Variants in ZNF679 observed in about 807,000 individuals in gnomAD.
The protein encoded by ZNF679 is hypothetical protein MGC42415.
Under a neutral mutation model 13.4 loss-of-function variants are expected in ZNF679, and 10 were observed. The ratio of observed to expected loss-of-function variants is 0.75; its 90% CI spans 0.46 to 1.27. The LOEUF (loss-of-function observed/expected upper bound fraction) is 1.27, where lower values mean the gene tolerates loss of function less well. ZNF679 is among the 50% of genes most tolerant of loss of function. ZNF679 has a pLI of 0.00. For synonymous variants in ZNF679, 179 were observed against 162.5 expected (o/e 1.10, Z -0.77); for missense variants, 525 against 477.8 (o/e 1.10, Z -0.92).
intron 1 of ZNF679, among the ~76,000 whole-genome samples, chr7:64,239,041 G>C (rs1012308152): frequency 6.6e-6 from 1 of 152,144 alleles, no homozygotes; most frequent in Non-Finnish European, 1.5e-5. Context: ...GTGGTACAGA[G>C]AGTCTCATAA....
At chr7:64,250,809 G>C (rs1037257635) in intron 2 of ZNF679, among the ~76,000 whole-genome samples, 5 of 151,904 alleles carry the variant, frequency 3.3e-5, no homozygotes, top group Admixed American at 3.3e-4. Context: ...GGCTGGTCTC[G>C]AATGCCTGAC....
In ZNF679 at chr7:64,250,056, G is replaced by A. The variant is rs143516593; in HGVS notation, c.39+900G>A. On this transcript the variant is annotated intron_variant, in intron 2 of 4. Transcript: ENST00000421025. Reference sequence around the variant, plus strand: ...GGGGTTTCACCATGTTGGCCAGGCTGGTCTCGAACTCCTGACCTGAAATGA... The same window carrying A: ...GGGGTTTCACCATGTTGGCCAGGCTAGTCTCGAACTCCTGACCTGAAATGA... Among the ~76,000 whole-genome samples the A allele has an allele frequency of 4.9e-3, 743 of 152,068 alleles. 7 individuals carry two copies. The highest frequency in any genetic ancestry group is 0.017 in the African/African-American group (703 of 41,480).
rs1474573748 is a variant in ZNF679 at position 64,266,007 on chromosome 7, T to G, written c.374T>G (p.Val125Gly). ...AAAAGTGGACATGACAATTTACAAG[T>G]AAAAACATGTAAAAGCATGGGTGAG... Reference protein sequence around the residue: ...YGKSGHDNLQVKTCKSMGECE... With the variant: ...YGKSGHDNLQGKTCKSMGECE... Residue 125 changes from valine (V) to glycine (G), a missense_variant, in exon 5 of 5, where the codon GTA becomes GGA. Physicochemically the swap from Val to Gly is moderately radical, Grantham distance 109. Coordinates refer to ENST00000421025, the MANE Select transcript of ZNF679 (RefSeq NM_153363.3). The G allele has an allele frequency of 6.2e-7, 1 of 1,613,384 alleles. No homozygotes were observed. The highest frequency in any genetic ancestry group is 1.7e-5 in the Admixed American group (1 of 59,842).
chr7:64,245,912 A>G (rs796351255), intron 1 of ZNF679, among the ~76,000 whole-genome samples: 170 of 152,326 alleles, frequency 1.1e-3, no homozygotes, highest in African/African-American at 3.9e-3. Flanking sequence ...AGGCTGAGGC[A>G]GGAGAATCGC....
At chr7:64,236,873 AG>A (rs1284242890) in intron 1 of ZNF679, among the ~76,000 whole-genome samples, 2 of 141,436 alleles carry the variant, frequency 1.4e-5, no homozygotes, top group African/African-American at 5.0e-5. Context: ...AAAAGAAAGA[AG>A]AAAGAGAAAG....
intron 1 of ZNF679, among the ~76,000 whole-genome samples, chr7:64,232,650 A>C (rs1389982099): frequency 6.6e-6 from 1 of 152,162 alleles, no homozygotes; most frequent in East Asian, 1.9e-4. Flanking sequence ...AGGCCCAGGC[A>C]GAAAGGGAAA....
At chr7:64,257,797 G>A (rs1232226712) in intron 2 of ZNF679, among the ~76,000 whole-genome samples, 1 of 152,114 alleles carries the variant, frequency 6.6e-6, no homozygotes, top group Non-Finnish European at 1.5e-5. Context: ...TGGGTGTAAG[G>A]GACTCTTTGC....
rs550354229 is a variant in ZNF679 at position 64,245,216 on chromosome 7, A to G, written c.-90-3812A>G. Among the ~76,000 whole-genome samples the G allele has an allele frequency of 3.3e-5, 5 of 152,114 alleles. No homozygotes were observed. In the East Asian group the frequency reaches 7.8e-4, roughly 24 times the overall value. On this transcript the variant is annotated intron_variant, in intron 1 of 4. Transcript: ENST00000421025. Reference sequence around the variant, plus strand: ...AATTTTTGTATTTTTAGTAGAGACAAGGTTTTGCCATGTTGGCCAGGCTGG... The same window carrying G: ...AATTTTTGTATTTTTAGTAGAGACAGGGTTTTGCCATGTTGGCCAGGCTGG...
rs747567676 is a variant in ZNF679, at chr7:64,266,893, C to G, written c.*24C>G. 93 of 1,496,970 alleles carry G rather than the reference C, an allele frequency of 6.2e-5. No homozygotes were observed. The highest frequency in any genetic ancestry group is 8.0e-5 in the Non-Finnish European group (90 of 1,127,002). The allele number at this position is 1,496,970 out of a possible 1,614,324, so 92.7% of individuals were successfully genotyped here. On this transcript the variant is annotated 3_prime_UTR_variant, in exon 5 of 5. Transcript: ENST00000421025. ...AATGTGATAAAGTCCAGCCTTCAGA[C>G]CTTATAATACATAAAATAATTTATA... is the stretch of plus-strand genomic sequence containing the variant.
intron 4 of ZNF679, among the ~76,000 whole-genome samples, chr7:64,261,181 T>C (rs966371632): frequency 5.3e-5 from 8 of 152,212 alleles, no homozygotes; most frequent in African/African-American, 1.9e-4. Context: ...GTTTTCTTTA[T>C]GGCTTATCAG....
intron 1 of ZNF679, among the ~76,000 whole-genome samples, chr7:64,229,102 C>T (rs1371161491): frequency 6.6e-6 from 1 of 152,144 alleles, no homozygotes; most frequent in Non-Finnish European, 1.5e-5. Context: ...GAAGTTAACA[C>T]ATTTTCTCTT....
At chr7:64,231,768 T>C (rs937256228) in intron 1 of ZNF679, among the ~76,000 whole-genome samples, 4 of 152,084 alleles carry the variant, frequency 2.6e-5, no homozygotes, top group Non-Finnish European at 4.4e-5. Flanking sequence ...TCACATCACC[T>C]ATGTAGCCCA....
At chr7:64,233,178 T>C (rs1037179781) in intron 1 of ZNF679, among the ~76,000 whole-genome samples, 1 of 149,330 alleles carries the variant, frequency 6.7e-6, no homozygotes, top group Non-Finnish European at 1.5e-5. Flanking sequence ...GAGGAGGTTG[T>C]GGTGAGCCAA....
chr7:64,239,421 G>A (rs1787765469), intron 1 of ZNF679, among the ~76,000 whole-genome samples: 1 of 152,242 alleles, frequency 6.6e-6, no homozygotes, highest in Non-Finnish European at 1.5e-5. Context: ...GTAATTGGGA[G>A]TCCCATTCCT....
intron 2 of ZNF679, among the ~76,000 whole-genome samples, chr7:64,249,953 C>A (rs533559431): frequency 6.6e-6 from 1 of 152,034 alleles, no homozygotes; most frequent in Non-Finnish European, 1.5e-5. Context: ...GCAGTTCTCA[C>A]GCCTCAGGCT....
At chr7:64,261,988 C>G (rs1460787114) in intron 4 of ZNF679, among the ~76,000 whole-genome samples, 1 of 151,630 alleles carries the variant, frequency 6.6e-6, no homozygotes, top group Non-Finnish European at 1.5e-5. Flanking sequence ...TCCTGAGTAA[C>G]TGGGATTATA....
rs377418538 is a variant in ZNF679, at chr7:64,266,125, C to T, written c.492C>T (p.Val164=). The change falls in exon 5 of 5, where the codon GTC becomes GTT. Residue 164 remains valine (V), a synonymous_variant. Coordinates refer to ENST00000421025, the MANE Select transcript of ZNF679 (RefSeq NM_153363.3). ...TTCAGACTCATAAATGTGTCAAAGT[C>T]TTCGGCAAATTTTCAAATTCCAATA... ...KIFQTHKCVK[V]FGKFSNSNRH... 3.7e-6 allele frequency: 6 copies of T among 1,609,670 alleles called. No individual in the cohort carries two copies. Among genetic ancestry groups the T allele is most frequent in the East Asian group, 4.5e-5 (2 of 44,660 alleles).
chr7:64,245,259 C>G (rs1787851967), intron 1 of ZNF679, among the ~76,000 whole-genome samples: 1 of 152,176 alleles, frequency 6.6e-6, no homozygotes, highest in South Asian at 2.1e-4. Context: ...CCCCCCCACT[C>G]AGGTGATCCA....
At chr7:64,251,212 G>C (rs528367178) in intron 2 of ZNF679, among the ~76,000 whole-genome samples, 38 of 152,262 alleles carry the variant, frequency 2.5e-4, no homozygotes, top group Non-Finnish European at 4.9e-4. Flanking sequence ...CTAACACTTT[G>C]GAAGACCAAG....
Sources: allele counts gnomAD v4.1 joint callset (sites outside exome capture counted in the v4.1 genomes callset), GRCh38; gene constraint gnomAD v4.1.1; transcripts MANE v1.5; gene names NCBI Gene and HGNC (gene_info 2026-07-23, HGNC 2026-07-21).